SLC5A10: variants seen among roughly 807,000 people sequenced by gnomAD.
The protein encoded by SLC5A10 is solute carrier family 5 member 10, also known as sodium/mannose cotransporter SLC5A10.
In SLC5A10, 55 loss-of-function variants were observed where a neutral mutation model predicts 68.9. The observed-to-expected ratio is 0.80, with a 90% confidence interval of 0.64 to 1.00. The LOEUF (loss-of-function observed/expected upper bound fraction) is 1.00, where lower values mean the gene tolerates loss of function less well. SLC5A10 is among the 50% of genes least tolerant of loss of function. The probability of loss-of-function intolerance (pLI) is 0.00; values close to 1 mark genes in which losing one functional copy is unlikely to be tolerated. For synonymous variants in SLC5A10, 344 were observed against 344.8 expected (o/e 1.00, Z 0.02); for missense variants, 732 against 819.3 (o/e 0.89, Z 1.30).
chr17:18,966,760 A>AC (rs1451351072), intron 5 of SLC5A10, among the ~76,000 whole-genome samples: 1,825 of 151,132 alleles, frequency 0.012, 64 homozygotes, highest in African/African-American at 0.041. Context: ...AAAAAAAAAA[A>AC]AAAAAACAAC....
chr17:18,992,605 C>T (rs1050386493), intron 9 of SLC5A10, among the ~76,000 whole-genome samples: 2 of 152,192 alleles, frequency 1.3e-5, no homozygotes, highest in African/African-American at 2.4e-5. Context: ...CAGCCAGAGC[C>T]CCCTGAGCAA....
At chr17:19,001,305 C>A (rs1212943982) in intron 9 of SLC5A10, among the ~76,000 whole-genome samples, 2 of 152,212 alleles carry the variant, frequency 1.3e-5, no homozygotes, top group Non-Finnish European at 2.9e-5. Flanking sequence ...GAACAAATCC[C>A]TGTCCTTCTC....
At chr17:18,993,042 G>C (rs980089417) in intron 9 of SLC5A10, among the ~76,000 whole-genome samples, 2 of 152,224 alleles carry the variant, frequency 1.3e-5, no homozygotes, top group Non-Finnish European at 2.9e-5. Flanking sequence ...TCTCCACAGA[G>C]GTGCCTGGGG....
Position 19,013,534 on chromosome 17 carries a change from G to T in SLC5A10, c.1090+17G>T. The stretch of plus-strand genomic sequence containing the variant: ...TGCCCATCGGTGAGGCTGTGTGGGT[G>T]GGGGTCTGGGTGGAGGGCGTGGGGT... On this transcript the variant is annotated intron_variant, in intron 10 of 14. Coordinates refer to ENST00000395645, the MANE Select transcript of SLC5A10 (RefSeq NM_001042450.4). 1 of 1,449,758 alleles carries T rather than the reference G, an allele frequency of 6.9e-7. No individual in the cohort carries two copies. Among genetic ancestry groups the T allele is most frequent in the Non-Finnish European group, 9.1e-7 (1 of 1,099,818 alleles). 89.8% of individuals were successfully genotyped at this position (1,449,758 alleles called of 1,614,324 possible).
Position 19,004,229 on chromosome 17 carries a change from C to A in SLC5A10, c.983-9181C>A. The stretch of plus-strand genomic sequence containing the variant: ...GGAGGGCGGGCCGCGCGGGGAGGGG[C>A]GGCGGGGGCGGGGCCGGGAACTCAG... On this transcript the variant is annotated intron_variant, in intron 9 of 14. Coordinates refer to ENST00000395645, the MANE Select transcript of SLC5A10 (RefSeq NM_001042450.4). The surrounding 1 kb of genome is among the most constrained non-coding windows in gnomAD (Gnocchi z 5.4). 1 of 143,270 alleles carries A rather than the reference C, an allele frequency of 7.0e-6. No individual in the cohort carries two copies. The highest frequency in any genetic ancestry group is 1.4e-5 in the Non-Finnish European group (1 of 71,672). 8.9% of individuals were successfully genotyped at this position (143,270 alleles called of 1,614,324 possible).
intron 9 of SLC5A10, among the ~76,000 whole-genome samples, chr17:18,982,193 G>A (rs2043155679): frequency 6.6e-6 from 1 of 152,216 alleles, no homozygotes; most frequent in Admixed American, 6.5e-5. Flanking sequence ...GGCCCTTGCT[G>A]GGCCTTAGTC....
At chr17:18,978,619 G>A (rs760752072) in intron 9 of SLC5A10, 23 of 1,613,030 alleles carry the variant, frequency 1.4e-5, no homozygotes, top group South Asian at 6.6e-5. Flanking sequence ...TGACAAGTGC[G>A]TACTTGGGGT....
In SLC5A10 at chr17:19,022,390, G is replaced by T. The variant is rs2044278617; in HGVS notation, c.*1959G>T. 1 of 389,096 alleles carries T rather than the reference G, an allele frequency of 2.6e-6. No homozygotes were observed. Among genetic ancestry groups the T allele is most frequent in the Non-Finnish European group, 4.6e-6 (1 of 219,462 alleles). The allele number at this position is 389,096 out of a possible 1,614,324, so 24.1% of individuals were successfully genotyped here. On this transcript the variant is annotated 3_prime_UTR_variant, in exon 15 of 15. Coordinates refer to ENST00000395645, the MANE Select transcript of SLC5A10 (RefSeq NM_001042450.4). Reference sequence around the variant, plus strand: ...ACGGCTTTCCCAGCCGCCCAGCTGGGACAATAGGGCTGGTGGGTCAGGGGA... The same window carrying T: ...ACGGCTTTCCCAGCCGCCCAGCTGGTACAATAGGGCTGGTGGGTCAGGGGA...
chr17:18,978,277 C>T, intron 9 of SLC5A10: 1 of 1,609,958 alleles, frequency 6.2e-7, no homozygotes, highest in Non-Finnish European at 8.5e-7. Context: ...CCTGGCTCTG[C>T]TTCCACAGCT....
intron 1 of SLC5A10, among the ~76,000 whole-genome samples, chr17:18,954,731 A>G (rs1331862840): frequency 1.3e-5 from 2 of 152,190 alleles, no homozygotes; most frequent in South Asian, 2.1e-4. Flanking sequence ...TCATTAAAGT[A>G]TCTGTTAACA....
chr17:19,000,613 C>A lies in SLC5A10; in HGVS notation c.983-12797C>A, dbSNP rs533994030. The stretch of plus-strand genomic sequence containing the variant: ...ACGACAGGTAAGGTGAGTGAGGAGG[C>A]GGAAGGCTGGGCTGTCCTGACTCAG... On this transcript the variant is annotated intron_variant, in intron 9 of 14. Coordinates refer to ENST00000395645, the MANE Select transcript of SLC5A10 (RefSeq NM_001042450.4). This position sits in a 1 kb window ranked among gnomAD's most constrained non-coding sequence, Gnocchi z 5.2. Among the ~76,000 whole-genome samples, 3 of 152,242 alleles carry A rather than the reference C, an allele frequency of 2.0e-5. No individual in the cohort carries two copies. In the East Asian group the frequency reaches 5.8e-4, roughly 29 times the overall value.
intron 8 of SLC5A10, chr17:18,976,185 C>G (rs2042973955): frequency 3.7e-5 from 1 of 27,174 alleles, no homozygotes. Context: ...AAGACTCCGA[C>G]TCAAAAAAAA....
chr17:18,955,488 A>G (rs1490693472), intron 1 of SLC5A10, among the ~76,000 whole-genome samples: 1 of 152,246 alleles, frequency 6.6e-6, no homozygotes. Flanking sequence ...TTAAATGGGT[A>G]CATGTGGCCC....
At chr17:19,006,607 T>C (rs1464631908) in intron 9 of SLC5A10, among the ~76,000 whole-genome samples, 1 of 152,176 alleles carries the variant, frequency 6.6e-6, no homozygotes, top group Non-Finnish European at 1.5e-5. Flanking sequence ...TAGATTTGTG[T>C]AACCACCATT....
chr17:19,015,519 T>C (rs1191349756), intron 11 of SLC5A10, among the ~76,000 whole-genome samples: 1 of 152,174 alleles, frequency 6.6e-6, no homozygotes, highest in Non-Finnish European at 1.5e-5. Flanking sequence ...CTCCTGATGG[T>C]TCCCAGCTGC....
rs1306564175 is a variant in SLC5A10 at position 18,968,961 on chromosome 17, C to T, written c.454-91C>T. 4 of 1,284,398 alleles carry T rather than the reference C, an allele frequency of 3.1e-6. No homozygotes were observed. The highest frequency in any genetic ancestry group is 2.3e-5 in the Admixed American group (1 of 42,766). 79.6% of individuals were successfully genotyped at this position (1,284,398 alleles called of 1,614,324 possible). A position where few individuals can be genotyped will look rare whatever the true frequency, so the allele number is the denominator to read the frequency against. On this transcript the variant is annotated intron_variant, in intron 5 of 14. Coordinates refer to ENST00000395645, the MANE Select transcript of SLC5A10 (RefSeq NM_001042450.4). This position sits in a 1 kb window ranked among gnomAD's most constrained non-coding sequence, Gnocchi z 4.1. ...CCTCCTTATCCACAGGCCACCGAGG[C>T]CCAGAGAGGGCCTTGCCCGAGGTCA...
chr17:18,995,198 GAC>G (rs902378366), intron 9 of SLC5A10, among the ~76,000 whole-genome samples: 1 of 151,984 alleles, frequency 6.6e-6, no homozygotes, highest in African/African-American at 2.4e-5. Flanking sequence ...ACCAAAAACC[GAC>G]ACAGATGTTA....
At chr17:18,951,238 G>A (rs2042363343), upstream of SLC5A10, among the ~76,000 whole-genome samples, 1 of 152,250 alleles carries the variant, frequency 6.6e-6, no homozygotes, top group Non-Finnish European at 1.5e-5. Context: ...GATAGAATTA[G>A]TGAGCGAGCG....
At chr17:18,958,205 G>C (rs1054667973) in intron 1 of SLC5A10, among the ~76,000 whole-genome samples, 3 of 152,150 alleles carry the variant, frequency 2.0e-5, no homozygotes, top group African/African-American at 7.2e-5. Flanking sequence ...TAAGTAGCGG[G>C]GGCCACAGGT....
Sources: allele counts gnomAD v4.1 joint callset (sites outside exome capture counted in the v4.1 genomes callset), GRCh38; gene constraint gnomAD v4.1.1; non-coding constraint Gnocchi (gnomAD v3.1); transcripts MANE v1.5; gene names NCBI Gene and HGNC (gene_info 2026-07-23, HGNC 2026-07-21).